The following CNTNAP2 variants were observed in gnomAD, a reference collection of about 807,000 sequenced individuals.
CNTNAP2 encodes the protein contactin-associated protein-like 2.
In CNTNAP2, 98 loss-of-function variants were observed where a neutral mutation model predicts 155.2. The observed-to-expected ratio is 0.63, with a 90% CI of 0.54 to 0.75. The LOEUF (loss-of-function observed/expected upper bound fraction) is 0.75. CNTNAP2 is among the 30% of genes least tolerant of loss of function. The pLI is 0.00. For synonymous variants in CNTNAP2, 651 were observed against 631.2 expected (o/e 1.03, Z -0.47); for missense variants, 1,727 against 1,688.1 (o/e 1.02, Z -0.40).
chr7:148,335,470 G>A (rs1798100984), intron 21 of CNTNAP2, among the ~76,000 whole-genome samples: 1 of 152,154 alleles, frequency 6.6e-6, no homozygotes. Flanking sequence ...CACATCAACT[G>A]ATTAACGCAG....
At chr7:148,278,515 A>C (rs1192460745) in intron 21 of CNTNAP2, among the ~76,000 whole-genome samples, 1 of 149,360 alleles carries the variant, frequency 6.7e-6, no homozygotes, top group African/African-American at 2.5e-5. Context: ...GCTTGCAGTA[A>C]GCCGAGATCG....
At chr7:147,875,507 A>G (rs1294770518) in intron 13 of CNTNAP2, among the ~76,000 whole-genome samples, 2 of 152,192 alleles carry the variant, frequency 1.3e-5, no homozygotes, top group Non-Finnish European at 2.9e-5. Flanking sequence ...GCTACAATTC[A>G]AGATGAGATT....
intron 13 of CNTNAP2, among the ~76,000 whole-genome samples, chr7:147,694,845 A>T (rs1796139626): frequency 6.6e-6 from 1 of 151,120 alleles, no homozygotes; most frequent in African/African-American, 2.4e-5. Flanking sequence ...TTGTGCTCTA[A>T]TTTTCATTAC....
At chr7:148,202,005 C>T (rs558589336) in intron 18 of CNTNAP2, among the ~76,000 whole-genome samples, 1 of 152,044 alleles carries the variant, frequency 6.6e-6, no homozygotes, top group African/African-American at 2.4e-5. Context: ...AATCTCACTT[C>T]CTGAAGCAGG....
chr7:146,158,936 T>C (rs1320519380), intron 1 of CNTNAP2, among the ~76,000 whole-genome samples: 1 of 152,064 alleles, frequency 6.6e-6, no homozygotes, highest in Non-Finnish European at 1.5e-5. Flanking sequence ...AGATACATAA[T>C]TGTCAGATTC....
chr7:146,666,269 T>A (rs1248458133), intron 1 of CNTNAP2, among the ~76,000 whole-genome samples: 1 of 152,198 alleles, frequency 6.6e-6, no homozygotes, highest in South Asian at 2.1e-4. Flanking sequence ...TGTTCCTGGC[T>A]TATGTCACTT....
At chr7:147,219,085 G>A (rs1803337683) in intron 8 of CNTNAP2, among the ~76,000 whole-genome samples, 1 of 152,082 alleles carries the variant, frequency 6.6e-6, no homozygotes, top group Non-Finnish European at 1.5e-5. Flanking sequence ...ATTATCCAAT[G>A]GCAGAAAGGC....
chr7:147,687,779 G>A (rs975452346), intron 13 of CNTNAP2, among the ~76,000 whole-genome samples: 1 of 152,056 alleles, frequency 6.6e-6, no homozygotes, highest in Non-Finnish European at 1.5e-5. Context: ...AAGGCAAGGG[G>A]CAGAATCAGT....
chr7:147,150,780 A>G (rs994051357), intron 8 of CNTNAP2, among the ~76,000 whole-genome samples: 1 of 152,222 alleles, frequency 6.6e-6, no homozygotes, highest in African/African-American at 2.4e-5. Flanking sequence ...AAAAAACAGA[A>G]CAAGACGACA....
chr7:146,141,222 T>C (rs1422959285), intron 1 of CNTNAP2, among the ~76,000 whole-genome samples: 1 of 152,204 alleles, frequency 6.6e-6, no homozygotes, highest in Admixed American at 6.6e-5. Context: ...CCTACATTTG[T>C]CGTTGTTATA....
chr7:147,341,852 T>C (rs1795770529), intron 9 of CNTNAP2, among the ~76,000 whole-genome samples: 1 of 152,006 alleles, frequency 6.6e-6, no homozygotes. Flanking sequence ...ATCTTAAAAG[T>C]TGACTTACAT....
In CNTNAP2 at chr7:146,921,238, G is replaced by C. The variant is rs138728067; in HGVS notation, c.402+81334G>C. On this transcript the variant is annotated intron_variant, in intron 3 of 23. Coordinates refer to ENST00000361727, the MANE Select transcript of CNTNAP2 (RefSeq NM_014141.6). Reference sequence around the variant, plus strand: ...TTATATTATGTGTTTCTCAAAACTTGCAGAATTGCAACATAAAAAGGGTAC... The same window carrying C: ...TTATATTATGTGTTTCTCAAAACTTCCAGAATTGCAACATAAAAAGGGTAC... Among the ~76,000 whole-genome samples the C allele has an allele frequency of 5.4e-4, 82 of 152,184 alleles. 3 individuals carry two copies. The East Asian group carries it at 0.015, about 28-fold the overall frequency.
chr7:146,833,792 C>T (rs1803560883), intron 2 of CNTNAP2, among the ~76,000 whole-genome samples: 1 of 152,158 alleles, frequency 6.6e-6, no homozygotes, highest in Non-Finnish European at 1.5e-5. Flanking sequence ...TTTGTATGTC[C>T]CCAGATCCGG....
At chr7:146,605,276 T>A (rs531436072) in intron 1 of CNTNAP2, among the ~76,000 whole-genome samples, 1 of 151,366 alleles carries the variant, frequency 6.6e-6, no homozygotes, top group South Asian at 2.1e-4. Flanking sequence ...ATTGTACTTG[T>A]TCCATATCTC....
chr7:146,563,115 A>T (rs1798304831), intron 1 of CNTNAP2, among the ~76,000 whole-genome samples: 1 of 152,164 alleles, frequency 6.6e-6, no homozygotes, highest in African/African-American at 2.4e-5. Context: ...TACGGAAGTG[A>T]ACTGATTAAC....
intron 1 of CNTNAP2, among the ~76,000 whole-genome samples, chr7:146,521,756 A>T (rs563454828): frequency 5.3e-5 from 8 of 152,090 alleles, no homozygotes; most frequent in African/African-American, 1.9e-4. Flanking sequence ...ATTTAGAAAG[A>T]TAAAGCAGAC....
chr7:147,925,154 A>AGAAGGAAGGAAGGAAG lies in CNTNAP2; in HGVS notation c.2255+21473_2255+21488dup, dbSNP rs144682428. Reference sequence around the variant, plus strand: ...AGAGAGAAGAGAGAGAGAGAGAGAGAGAAGGAAGGAAGGAAGGAAGGAAGG... The same window carrying AGAAGGAAGGAAGGAAG: ...AGAGAGAAGAGAGAGAGAGAGAGAGAGAAGGAAGGAAGGAAGGAAGGAAGGAAGGAAGGAAGGAAGG... On this transcript the variant is annotated intron_variant, in intron 14 of 23. Transcript: ENST00000361727. Among the ~76,000 whole-genome samples the AGAAGGAAGGAAGGAAG allele has an allele frequency of 1.6e-3, 101 of 63,328 alleles. 1 individual carries two copies. Among genetic ancestry groups the AGAAGGAAGGAAGGAAG allele is most frequent in the Middle Eastern group, 8.2e-3 (1 of 122 alleles). The allele number at this position is 63,328 out of a possible 152,430, so 41.5% of individuals were successfully genotyped here.
Position 146,985,989 on chromosome 7 carries a change from AT to A in CNTNAP2, c.403-57911del, listed in dbSNP as rs1267287876. On this transcript the variant is annotated intron_variant, in intron 3 of 23. Transcript: ENST00000361727. ...TTTTTTGGTAACACTTTAGGTTGCAATTTTTTTAATTTTAATTTTTTTTATT... is the reference window on the plus strand; with the variant it reads ...TTTTTTGGTAACACTTTAGGTTGCAATTTTTTAATTTTAATTTTTTTTATT... Among the ~76,000 whole-genome samples the A allele has an allele frequency of 2.0e-5, 3 of 151,996 alleles. No individual in the cohort carries two copies. The South Asian group carries it at 6.2e-4, about 31-fold the overall frequency.
At chr7:147,521,172 A>G (rs1018658962) in intron 11 of CNTNAP2, among the ~76,000 whole-genome samples, 3 of 152,136 alleles carry the variant, frequency 2.0e-5, no homozygotes, top group Admixed American at 6.5e-5. Context: ...TTCCAACCAA[A>G]TGGTCTGTTT....
Sources: gnomAD v4.1 joint callset for allele counts (sites outside exome capture counted in the v4.1 genomes callset) on GRCh38, gnomAD v4.1.1 for gene constraint, MANE v1.5 for transcripts, NCBI Gene and HGNC (gene_info 2026-07-23, HGNC 2026-07-21) for gene names.